GLI2: variants seen among roughly 807,000 people sequenced by gnomAD.
GLI2 encodes the protein transcription activator GLI2.
In GLI2, 22 loss-of-function variants were observed where a neutral mutation model predicts 78.9. The ratio of observed to expected loss-of-function variants is 0.28; its 90% CI spans 0.20 to 0.40. The LOEUF is 0.40. Among genes scored for constraint, GLI2 ranks in the 10% least tolerant of loss-of-function variants. The pLI is 1.00. For synonymous variants in GLI2, 974 were observed against 963.7 expected (o/e 1.01, Z -0.20); for missense variants, 2,097 against 2,213.2 (o/e 0.95, Z 1.05).
intron 2 of GLI2, among the ~76,000 whole-genome samples, chr2:120,870,703 C>A (rs1056084726): frequency 6.6e-6 from 1 of 152,180 alleles, no homozygotes; most frequent in Non-Finnish European, 1.5e-5. Context: ...GCTCCCAGAT[C>A]GATCCCAGAG....
At chr2:120,827,407 G>A (rs903683675) in intron 2 of GLI2, among the ~76,000 whole-genome samples, 7 of 152,218 alleles carry the variant, frequency 4.6e-5, no homozygotes, top group Non-Finnish European at 1.0e-4. Context: ...GTGAGGATGT[G>A]GAGAAGTTGG....
chr2:120,829,159 C>T (rs1368352453), intron 2 of GLI2, among the ~76,000 whole-genome samples: 1 of 152,214 alleles, frequency 6.6e-6, no homozygotes, highest in Non-Finnish European at 1.5e-5. Context: ...CCAGCACCCA[C>T]ACGCACCCTT....
rs1205430671 is a variant in GLI2, at chr2:120,970,537, C to T, written c.990C>T (p.Ala330=). ...CCTTCCTGGCCCAGCAGCCCATGGC[C>T]CTCACCTCCATCAATGCCACGCCCA... ...SPTFLAQQPM[A]LTSINATPTQ... Residue 330 remains alanine, a synonymous_variant, in exon 7 of 14, where the codon GCC becomes GCT. Coordinates refer to ENST00000361492, the MANE Select transcript of GLI2 (RefSeq NM_001374353.1). The T allele has an allele frequency of 1.2e-6, 2 of 1,614,140 alleles. No individual in the cohort carries two copies. The highest frequency in any genetic ancestry group is 4.5e-5 in the East Asian group (2 of 44,874).
chr2:120,783,631 C>T (rs1370409375), intron 1 of GLI2, among the ~76,000 whole-genome samples: 1 of 152,032 alleles, frequency 6.6e-6, no homozygotes, highest in African/African-American at 2.4e-5. Context: ...AGTGCAGGAA[C>T]AAGCAGGAGA....
At chr2:120,920,315 C>T (rs969330823) in intron 2 of GLI2, among the ~76,000 whole-genome samples, 4 of 152,262 alleles carry the variant, frequency 2.6e-5, no homozygotes, top group Non-Finnish European at 5.9e-5. Context: ...TGACTTCATC[C>T]GAGGAGAATT....
intron 2 of GLI2, among the ~76,000 whole-genome samples, chr2:120,879,837 C>T (rs879607095): frequency 2.6e-4 from 39 of 152,304 alleles, no homozygotes; most frequent in Admixed American, 1.6e-3. Context: ...CCGTCTGCCG[C>T]GGGAGGCGGG....
chr2:120,804,556 G>C (rs907311673), intron 2 of GLI2, among the ~76,000 whole-genome samples: 2 of 150,016 alleles, frequency 1.3e-5, no homozygotes, highest in Admixed American at 6.7e-5. Flanking sequence ...GAGTTTCTCT[G>C]CTGGGGCCAC....
chr2:120,755,139 C>T (rs1295198295), intron 1 of GLI2, among the ~76,000 whole-genome samples: 1 of 152,228 alleles, frequency 6.6e-6, no homozygotes, highest in East Asian at 1.9e-4. Flanking sequence ...GCATGAGACA[C>T]CACACACAGC....
chr2:120,745,000 T>A (rs1372824588), intron 1 of GLI2, among the ~76,000 whole-genome samples: 1 of 152,224 alleles, frequency 6.6e-6, no homozygotes, highest in Non-Finnish European at 1.5e-5. Flanking sequence ...TTGCAGCACT[T>A]GCAGCTGCCT....
chr2:120,785,233 G>T (rs1199868547), intron 1 of GLI2, among the ~76,000 whole-genome samples: 1 of 152,138 alleles, frequency 6.6e-6, no homozygotes, highest in African/African-American at 2.4e-5. Flanking sequence ...GCCTGGGAGA[G>T]ACTGGACCAG....
At chr2:120,899,707 C>T (rs1191943323) in intron 2 of GLI2, among the ~76,000 whole-genome samples, 1 of 152,208 alleles carries the variant, frequency 6.6e-6, no homozygotes, top group Non-Finnish European at 1.5e-5. Context: ...ATAGGAATGG[C>T]GGTGCCCATC....
intron 2 of GLI2, among the ~76,000 whole-genome samples, chr2:120,907,265 G>A (rs1047081719): frequency 1.3e-5 from 2 of 152,106 alleles, no homozygotes; most frequent in African/African-American, 4.8e-5. Flanking sequence ...CTGTTGACGG[G>A]TGCCCTGGGT....
chr2:120,830,577 A>G (rs964876439), intron 2 of GLI2, among the ~76,000 whole-genome samples: 2 of 152,230 alleles, frequency 1.3e-5, no homozygotes, highest in Non-Finnish European at 2.9e-5. Context: ...CCCAAACAGC[A>G]GCCTCTTGGG....
At chr2:120,911,387 G>A (rs1345011472) in intron 2 of GLI2, among the ~76,000 whole-genome samples, 1 of 152,220 alleles carries the variant, frequency 6.6e-6, no homozygotes, top group Non-Finnish European at 1.5e-5. Flanking sequence ...TGTGAAGGAA[G>A]CCCTGTGCAC....
At chr2:120,863,097 T>C (rs1687975598) in intron 2 of GLI2, among the ~76,000 whole-genome samples, 1 of 152,200 alleles carries the variant, frequency 6.6e-6, no homozygotes, top group Non-Finnish European at 1.5e-5. Context: ...GGTTGAGCCA[T>C]TGGAGGACTT....
chr2:120,881,734 TGC>T (rs1263136822), intron 2 of GLI2, among the ~76,000 whole-genome samples: 36 of 4,318 alleles, frequency 8.3e-3, no homozygotes, highest in Non-Finnish European at 9.3e-3. Context: ...GGGAGGACAG[TGC>T]GGGGGAGAAC....
chr2:120,775,542 G>A (rs1294171780), intron 1 of GLI2, among the ~76,000 whole-genome samples: 3 of 152,160 alleles, frequency 2.0e-5, no homozygotes, highest in Non-Finnish European at 4.4e-5. Context: ...CGGGGTGGAG[G>A]CATTTTGCTC....
intron 2 of GLI2, among the ~76,000 whole-genome samples, chr2:120,809,607 G>A (rs1685135228): frequency 6.6e-6 from 1 of 152,046 alleles, no homozygotes; most frequent in Non-Finnish European, 1.5e-5. Flanking sequence ...GGGGAGGGAG[G>A]GCGCCTGTGG....
intron 2 of GLI2, among the ~76,000 whole-genome samples, chr2:120,851,305 T>C (rs369852480): frequency 6.6e-6 from 1 of 152,206 alleles, no homozygotes; most frequent in African/African-American, 2.4e-5. Flanking sequence ...ATGGCTAGGC[T>C]GGGCTGGGAC....
Sources: allele counts gnomAD v4.1 joint callset (sites outside exome capture counted in the v4.1 genomes callset), GRCh38; gene constraint gnomAD v4.1.1; transcripts MANE v1.5; gene names NCBI Gene and HGNC (gene_info 2026-07-23, HGNC 2026-07-21).